The following AHCTF1 variants were observed in gnomAD, a reference collection of about 807,000 sequenced individuals.
AHCTF1 encodes AT-hook containing transcription factor 1, also known as protein ELYS.
Under a neutral mutation model 248.4 loss-of-function variants are expected in AHCTF1, and 24 were observed. That is an observed-to-expected ratio of 0.10 (90% CI 0.07 to 0.14). The LOEUF (loss-of-function observed/expected upper bound fraction) is 0.14. Among genes scored for constraint, AHCTF1 ranks in the 10% least tolerant of loss-of-function variants. AHCTF1 has a pLI of 1.00. For missense variants in AHCTF1, 2,206 were observed against 2,636.2 expected (o/e 0.84, Z 3.57); for synonymous variants, 786 against 929.8 (o/e 0.85, Z 2.81).
At chr1:246,844,248 T>TG (rs1033706789) in intron 33 of AHCTF1, among the ~76,000 whole-genome samples, 2 of 152,194 alleles carry the variant, frequency 1.3e-5, no homozygotes, top group African/African-American at 2.4e-5. Context: ...TCAAGCATTC[T>TG]GGGGAGGGAA....
At chr1:246,848,975 C>T (rs1660493947) in intron 33 of AHCTF1, among the ~76,000 whole-genome samples, 1 of 152,228 alleles carries the variant, frequency 6.6e-6, no homozygotes, top group South Asian at 2.1e-4. Context: ...TTAAAGCACC[C>T]CCTATTAAAA....
Position 246,862,051 on chromosome 1 carries a change from G to A in AHCTF1, c.3643C>T (p.Pro1215Ser), listed in dbSNP as rs768132394. The A allele has an allele frequency of 6.2e-7, 1 of 1,612,162 alleles. No homozygotes were observed. The highest frequency in any genetic ancestry group is 8.5e-7 in the Non-Finnish European group (1 of 1,178,236). The stretch of plus-strand genomic sequence containing the variant: ...GGAGACCTTCCAGGTGATGGAGAGG[G>A]AGATGCTAAAGGTGTTGATCGAAGA... Reference protein sequence around the residue: ...STLRSTPLASPSPSPGRSPQR... With the variant: ...STLRSTPLASSSPSPGRSPQR... Residue 1215 changes from proline to serine, a missense_variant, in exon 28 of 36, where the codon CCC (proline) becomes TCC (serine). Pro to Ser is a moderately conservative substitution (Grantham distance 74, BLOSUM62 -1). This residue lies in a region of AHCTF1 where 955 missense variants were observed against 1,055.6 expected (regional missense o/e 0.90). Coordinates refer to ENST00000648844, the MANE Select transcript of AHCTF1 (RefSeq NM_001323342.2).
chr1:246,860,891 G>A lies in AHCTF1; in HGVS notation c.4132+8C>T, dbSNP rs1449956103. On this transcript the variant is annotated splice_region_variant and intron_variant, in intron 29 of 35. Transcript: ENST00000648844. ...AACAATTTTGAGTATTCAGAAATGA[G>A]TTCTTACCCATTTGTTTCTGTAGGT... The A allele has an allele frequency of 6.2e-7, 1 of 1,605,672 alleles. No individual in the cohort carries two copies. Among genetic ancestry groups the A allele is most frequent in the Non-Finnish European group, 8.5e-7 (1 of 1,173,328 alleles).
In AHCTF1 at chr1:246,900,480, A is replaced by G. The variant is rs1664918130; in HGVS notation, c.1118-11T>C. ...TGTCAGGCGATAGAGCTGGAAGAAA[A>G]AGATAATTTTTAAAAACAGAATAAA... On this transcript the variant is annotated splice_polypyrimidine_tract_variant and intron_variant, in intron 8 of 35. Coordinates refer to ENST00000648844, the MANE Select transcript of AHCTF1 (RefSeq NM_001323342.2). The G allele has an allele frequency of 6.3e-7, 1 of 1,581,498 alleles. No homozygotes were observed. The highest frequency in any genetic ancestry group is 1.2e-5 in the South Asian group (1 of 84,008).
chr1:246,849,446 C>T (rs1660530514), intron 33 of AHCTF1, among the ~76,000 whole-genome samples, 169 bp downstream of exon 33: 2 of 152,146 alleles, frequency 1.3e-5, no homozygotes, highest in South Asian at 4.1e-4. Context: ...AATAACTGAA[C>T]TCAAACTTTG....
Position 246,900,072 on chromosome 1 carries a change from A to G in AHCTF1, c.1425T>C (p.Tyr475=), listed in dbSNP as rs753711735. 5.6e-6 allele frequency: 9 copies of G among 1,603,166 alleles called. No individual in the cohort carries two copies. The Admixed American group carries it at 7.0e-5, about 12-fold the overall frequency. Residue 475 remains tyrosine, a synonymous_variant, in exon 10 of 36, where the codon TAT becomes TAC. Coordinates refer to ENST00000648844, the MANE Select transcript of AHCTF1 (RefSeq NM_001323342.2). ...TGTTAAGGAAATACATACCAAAATT[A>G]TAAGTGCTTGGATTAAAAAACTGCT... is the stretch of plus-strand genomic sequence containing the variant. ...PPEQFFNPST[Y]NFDATCLLNS...
rs1019735894 is a variant in AHCTF1, at chr1:246,840,271, C to G, written c.*535G>C. 3 of 152,502 alleles carry G rather than the reference C, an allele frequency of 2.0e-5. No homozygotes were observed. The highest frequency in any genetic ancestry group is 6.6e-5 in the Admixed American group (1 of 15,262). 9.4% of individuals were successfully genotyped at this position (152,502 alleles called of 1,614,324 possible). A position where few individuals can be genotyped will look rare whatever the true frequency, so the allele number is the denominator to read the frequency against. The stretch of plus-strand genomic sequence containing the variant: ...AGATTACACAAAATTTGTGAAACTA[C>G]AAAGATGGCAAAATGACATGCCCAT... On this transcript the variant is annotated 3_prime_UTR_variant, in exon 36 of 36. Coordinates refer to ENST00000648844, the MANE Select transcript of AHCTF1 (RefSeq NM_001323342.2).
intron 24 of AHCTF1, among the ~76,000 whole-genome samples, chr1:246,872,166 C>T (rs1015160720): frequency 6.6e-6 from 1 of 151,660 alleles, no homozygotes; most frequent in African/African-American, 2.4e-5. Flanking sequence ...AAACCTTACG[C>T]AATTAGTTAC....
chr1:246,857,830 A>G lies in AHCTF1; in HGVS notation c.4133-16T>C, dbSNP rs1661213397. 1 of 1,589,782 alleles carries G rather than the reference A, an allele frequency of 6.3e-7. No homozygotes were observed. Among genetic ancestry groups the G allele is most frequent in the African/African-American group, 1.4e-5 (1 of 73,580 alleles). On this transcript the variant is annotated splice_polypyrimidine_tract_variant and intron_variant, in intron 29 of 35. Transcript: ENST00000648844. The stretch of plus-strand genomic sequence containing the variant: ...TCTAAATTGCCTATAAGTCATACAA[A>G]TAAGAATATTATTTATGCTAAATAT...
intron 5 of AHCTF1, among the ~76,000 whole-genome samples, 173 bp downstream of exon 5, chr1:246,907,378 T>C (rs910832751): frequency 3.3e-5 from 5 of 152,260 alleles, no homozygotes; most frequent in African/African-American, 7.2e-5. Context: ...CACTCCTTTA[T>C]GGTATTCACA....
chr1:246,849,656 G>C lies in AHCTF1; in HGVS notation c.6350C>G (p.Pro2117Arg). 6.2e-7 allele frequency: 1 copy of C among 1,613,490 alleles called. No homozygotes were observed. The highest frequency in any genetic ancestry group is 1.1e-5 in the South Asian group (1 of 91,046). The change falls in exon 33 of 36, where the codon CCT becomes CGT. Residue 2117 changes from proline (P) to arginine (R), a missense_variant. Around this residue, in one of 6 missense-constraint regions of AHCTF1, gnomAD observed 469 missense variants for 470.0 expected, o/e 1.00. Transcript: ENST00000648844. ...LPDLSEPNNE[P>R]LFSPASEVPR... is the part of the protein sequence containing the mutation. The stretch of plus-strand genomic sequence containing the variant: ...AACTTCTGACGCTGGAGAAAATAAA[G>C]GCTCATTGTTTGGTTCAGAAAGGTC...
At chr1:246,867,897 C>T in intron 24 of AHCTF1, 86 bp from the exon 25 acceptor site, 1 of 568,906 alleles carries the variant, frequency 1.8e-6, no homozygotes. Context: ...TTACACCCCC[C>T]CCCCCACACA....
At chr1:246,900,617 T>C (rs1326186061) in intron 8 of AHCTF1, 148 bp from the exon 9 acceptor site, 6 of 883,214 alleles carry the variant, frequency 6.8e-6, no homozygotes, top group Non-Finnish European at 1.0e-5. Flanking sequence ...ATCATTTGTA[T>C]GTAAGACCAG....
At chr1:246,879,449 G>A (rs1663231974) in intron 21 of AHCTF1, among the ~76,000 whole-genome samples, 1 of 152,176 alleles carries the variant, frequency 6.6e-6, no homozygotes, top group Admixed American at 6.5e-5. Flanking sequence ...ATTGGCACAT[G>A]TGCATTACGT....
At chr1:246,880,676 T>C (rs1331878105) in intron 21 of AHCTF1, among the ~76,000 whole-genome samples, 1 of 152,174 alleles carries the variant, frequency 6.6e-6, no homozygotes, top group Non-Finnish European at 1.5e-5. Context: ...CAAGTATTAA[T>C]TTGATAATAA....
intron 21 of AHCTF1, among the ~76,000 whole-genome samples, chr1:246,879,580 T>C (rs1663241702): frequency 6.6e-6 from 1 of 152,216 alleles, no homozygotes; most frequent in East Asian, 1.9e-4. Flanking sequence ...TCCCAGCACT[T>C]TGGGAGACCG....
Position 246,850,622 on chromosome 1 carries a change from C to T in AHCTF1, c.5384G>A (p.Gly1795Glu), listed in dbSNP as rs1259463472. Residue 1795 changes from glycine (G) to glutamate (E), a missense_variant, in exon 33 of 36, where the codon GGA becomes GAA. By Grantham distance (98) the Gly-to-Glu change is moderately conservative (BLOSUM62 -2). This residue lies in a region of AHCTF1 where 955 missense variants were observed against 1,055.6 expected (regional missense o/e 0.90). Transcript: ENST00000648844. ...ASENIYSDVR[G>E]LSQNQQIPQN... ...AGGTATTTGCTGGTTCTGAGATAGTCCTCTGACATCAGAATAGATGTTTTC... is the reference window on the plus strand; with the variant it reads ...AGGTATTTGCTGGTTCTGAGATAGTTCTCTGACATCAGAATAGATGTTTTC... The T allele has an allele frequency of 6.2e-7, 1 of 1,613,562 alleles. No homozygotes were observed. Among genetic ancestry groups the T allele is most frequent in the Non-Finnish European group, 8.5e-7 (1 of 1,179,792 alleles).
In AHCTF1 at chr1:246,867,820, T is replaced by C; in HGVS notation, c.3089-9A>G. 6.3e-7 allele frequency: 1 copy of C among 1,584,078 alleles called. No individual in the cohort carries two copies. The highest frequency in any genetic ancestry group is 8.6e-7 in the Non-Finnish European group (1 of 1,167,726). ...TGGTTTGGGTCTAGAAACTGTAAAA[T>C]GAAGAACGCTGGAATTAAGTGCATC... On this transcript the variant is annotated splice_polypyrimidine_tract_variant and intron_variant, in intron 24 of 35. Coordinates refer to ENST00000648844, the MANE Select transcript of AHCTF1 (RefSeq NM_001323342.2).
intron 11 of AHCTF1, 138 bp downstream of exon 11, chr1:246,899,313 A>G (rs1664832907): frequency 1.7e-6 from 1 of 601,022 alleles, no homozygotes; most frequent in Admixed American, 3.8e-5. Flanking sequence ...ACTAGTTGAT[A>G]ATCTCATAAA....
Sources: allele counts gnomAD v4.1 joint callset (sites outside exome capture counted in the v4.1 genomes callset), GRCh38; gene constraint gnomAD v4.1.1; regional missense constraint gnomAD v4.1.1; transcripts MANE v1.5; gene names NCBI Gene and HGNC (gene_info 2026-07-23, HGNC 2026-07-21).